POLK: variants seen among roughly 807,000 people sequenced by gnomAD.
POLK encodes the protein polymerase (DNA directed) kappa.
POLK carries 76 observed loss-of-function variants against 94.0 expected under a neutral mutation model. The observed-to-expected ratio is 0.81, with a 90% CI of 0.67 to 0.98. The LOEUF (loss-of-function observed/expected upper bound fraction) is 0.98, where lower values mean the gene tolerates loss of function less well. Among genes scored for constraint, POLK ranks in the 50% least tolerant of loss-of-function variants. The probability of loss-of-function intolerance (pLI) is 0.00; values close to 1 mark genes in which losing one functional copy is unlikely to be tolerated. For missense variants in POLK, 954 were observed against 1,010.1 expected, an observed-to-expected ratio of 0.94 and a Z score of 0.75; for synonymous variants, 349 against 325.4, an observed-to-expected ratio of 1.07 and a Z score of -0.78.
upstream of POLK, chr5:75,511,709 G>T (rs1044668741): frequency 2.8e-5 from 43 of 1,544,450 alleles, no homozygotes; most frequent in Admixed American, 4.0e-5. Flanking sequence ...CCCCCTCCCG[G>T]CGTCTGACGC....
At position 75,576,890 on chromosome 5, in the gene POLK, TA is replaced by T. The variant is rs1771907869; in HGVS notation, c.655del (p.Arg219GlufsTer11). 1 of 1,558,958 alleles carries T rather than the reference TA, an allele frequency of 6.4e-7. No individual in the cohort carries two copies. Among genetic ancestry groups the T allele is most frequent in the Admixed American group, 2.0e-5 (1 of 50,218 alleles). Reference sequence around the variant, plus strand: ...AAGAAAGACAAAATTGGCCTGAGGATAAAAGAAGGTATTTCATCAAAATGGG... The same window carrying T: ...AAGAAAGACAAAATTGGCCTGAGGATAAAGAAGGTATTTCATCAAAATGGG... On this transcript the variant is annotated frameshift_variant, in exon 6 of 15. Coordinates refer to ENST00000241436, the Ensembl canonical transcript of POLK. LOFTEE classifies it high-confidence loss of function.
At chr5:75,511,022 C>A, upstream of POLK, 1 of 1,429,476 alleles carries the variant, frequency 7.0e-7, no homozygotes. Context: ...ACGTTCCGCG[C>A]CTCCCGCCAG....
intron 3 of POLK, among the ~76,000 whole-genome samples, chr5:75,556,713 CTTT>C (rs774487569): frequency 2.1e-5 from 3 of 139,764 alleles, no homozygotes; most frequent in Admixed American, 7.2e-5. Flanking sequence ...ATCTTTTTTT[CTTT>C]TTTTTTTTTT....
chr5:75,519,782 G>C (rs898234241), intron 1 of POLK, among the ~76,000 whole-genome samples: 3 of 152,116 alleles, frequency 2.0e-5, no homozygotes, highest in Admixed American at 2.0e-4. Flanking sequence ...AGGTGAAGTG[G>C]ATTTCTTGTG....
chr5:75,595,248 G>GAAAAAAAAA (rs58783164), intron 12 of POLK, among the ~76,000 whole-genome samples: 4 of 24,880 alleles, frequency 1.6e-4, no homozygotes, highest in East Asian at 1.4e-3. Context: ...CTCCACCTCA[G>GAAAAAAAAA]AAAAAAAAAA....
chr5:75,528,549 T>C (rs1376234831), intron 1 of POLK, among the ~76,000 whole-genome samples: 2 of 152,024 alleles, frequency 1.3e-5, no homozygotes. Context: ...TGGTGGCTCA[T>C]GTCTATAATT....
chr5:75,608,578 G>T, the POLK span, among the ~76,000 whole-genome samples: 1 of 152,184 alleles, frequency 6.6e-6, no homozygotes, highest in Non-Finnish European at 1.5e-5. Context: ...ACATTTCAGT[G>T]GTAAGTGTTA....
At chr5:75,571,281 ATTGT>A (rs774939229) in intron 4 of POLK, among the ~76,000 whole-genome samples, 3 of 152,094 alleles carry the variant, frequency 2.0e-5, no homozygotes, top group Non-Finnish European at 4.4e-5. Flanking sequence ...AATGGGAGTG[ATTGT>A]TTGATTATTC....
rs1772437108 is a variant in POLK at position 75,585,790 on chromosome 5, T to A, written c.1226+864T>A. 3.3e-5 allele frequency among the ~76,000 whole-genome samples: 5 copies of A among 152,246 alleles called. No individual in the cohort carries two copies. The South Asian group carries it at 1.0e-3, about 31-fold the overall frequency. On this transcript the variant is annotated intron_variant, in intron 9 of 14. Transcript: ENST00000241436. Reference sequence around the variant, plus strand: ...CAATTTTGTCATCACCTTGTCAGCCTGTCCTCAAAATGACTCCTTTATATT... The same window carrying A: ...CAATTTTGTCATCACCTTGTCAGCCAGTCCTCAAAATGACTCCTTTATATT...
At chr5:75,552,664 C>A in intron 3 of POLK, 73 bp downstream of exon 3, 1 of 1,333,386 alleles carries the variant, frequency 7.5e-7, no homozygotes. Context: ...ATTGTCAAGT[C>A]ATAACTGAAA....
At chr5:75,566,049 C>T (rs1008896595) in intron 3 of POLK, among the ~76,000 whole-genome samples, 1 of 152,214 alleles carries the variant, frequency 6.6e-6, no homozygotes, top group Non-Finnish European at 1.5e-5. Context: ...GCCTTTCTTT[C>T]AGAGATGCCC....
chr5:75,538,738 A>G (rs1017448825), intron 1 of POLK: 1 of 152,018 alleles, frequency 6.6e-6, no homozygotes, highest in Non-Finnish European at 1.5e-5. Context: ...GATGCTTTTT[A>G]TATAATATGT....
chr5:75,511,937 GCTTGTCCCCTTGGGGC>G lies in POLK; in HGVS notation c.-14+30_-14+45del, dbSNP rs1411698859. ...CGGGTGAGTATCCCGCGCGGGGATCGCTTGTCCCCTTGGGGCCTTGTCAGTCGGTGGGTGGGCTTCG... is the reference window on the plus strand; with the variant it reads ...CGGGTGAGTATCCCGCGCGGGGATCGCTTGTCAGTCGGTGGGTGGGCTTCG... On this transcript the variant is annotated intron_variant, in intron 1 of 14. Coordinates refer to ENST00000241436, the Ensembl canonical transcript of POLK. 4 of 1,021,640 alleles carry G rather than the reference GCTTGTCCCCTTGGGGC, an allele frequency of 3.9e-6. No homozygotes were observed. In the East Asian group the frequency reaches 1.1e-4, roughly 28 times the overall value. The allele number at this position is 1,021,640 out of a possible 1,614,324, so 63.3% of individuals were successfully genotyped here. A position where few individuals can be genotyped will look rare whatever the true frequency, so the allele number is the denominator to read the frequency against.
At chr5:75,546,909 T>C (rs1336616899) in intron 1 of POLK, 101 bp from the exon 2 acceptor site, 1 of 489,708 alleles carries the variant, frequency 2.0e-6, no homozygotes, top group Non-Finnish European at 3.6e-6. Flanking sequence ...TCAGTCAATC[T>C]GCCCGCCTCG....
At chr5:75,531,766 T>G (rs930765911) in intron 1 of POLK, among the ~76,000 whole-genome samples, 1 of 151,758 alleles carries the variant, frequency 6.6e-6, no homozygotes, top group Non-Finnish European at 1.5e-5. Flanking sequence ...CACTCCAGCC[T>G]GGGTGACAGA....
chr5:75,572,698 T>C (rs1771656592), intron 4 of POLK, among the ~76,000 whole-genome samples: 1 of 152,120 alleles, frequency 6.6e-6, no homozygotes, highest in Non-Finnish European at 1.5e-5. Context: ...ATTATAAATA[T>C]AGGGATAGTA....
intron 6 of POLK, chr5:75,580,508 C>T (rs1772138566): frequency 3.5e-5 from 12 of 338,972 alleles, no homozygotes; most frequent in South Asian, 1.2e-4. Flanking sequence ...AGTTTATAGC[C>T]TATTAATAAT....
chr5:75,589,380 T>TAC lies in POLK; in HGVS notation c.1260-958_1260-957dup, dbSNP rs1156672391. Among the ~76,000 whole-genome samples, 404 of 67,762 alleles carry TAC rather than the reference T, an allele frequency of 6.0e-3. 5 individuals are homozygous for TAC. The highest frequency in any genetic ancestry group is 0.019 in the African/African-American group (361 of 18,996). 44.5% of individuals were successfully genotyped at this position (67,762 alleles called of 152,430 possible). On this transcript the variant is annotated intron_variant, in intron 10 of 14. Coordinates refer to ENST00000241436, the Ensembl canonical transcript of POLK. Reference sequence around the variant, plus strand: ...TTCTTGTTTGCTTATTTTATATATATACACACATACACACACACACACACA... The same window carrying TAC: ...TTCTTGTTTGCTTATTTTATATATATACACACACATACACACACACACACACA...
At chr5:75,590,953 C>A (rs1161838848) in intron 11 of POLK, among the ~76,000 whole-genome samples, 1 of 152,150 alleles carries the variant, frequency 6.6e-6, no homozygotes, top group Non-Finnish European at 1.5e-5. Context: ...TCTTCACTCA[C>A]AACAATTTAT....
Sources: allele counts gnomAD v4.1 joint callset (sites outside exome capture counted in the v4.1 genomes callset), GRCh38; gene constraint gnomAD v4.1.1; transcripts MANE v1.5; gene names NCBI Gene and HGNC (gene_info 2026-07-23, HGNC 2026-07-21).